The following VTI1A variants were observed in gnomAD, a reference collection of about 807,000 sequenced individuals.
The protein encoded by VTI1A is vesicle transport through interaction with t-SNAREs homolog 1A.
In VTI1A, 22 loss-of-function variants were observed where a neutral mutation model predicts 34.9. That is an observed-to-expected ratio of 0.63 (90% CI 0.45 to 0.90). The LOEUF (loss-of-function observed/expected upper bound fraction) is 0.90. Among genes scored for constraint, VTI1A ranks in the 40% least tolerant of loss-of-function variants. The probability of loss-of-function intolerance (pLI) is 0.00; values close to 1 mark genes in which losing one functional copy is unlikely to be tolerated. For synonymous variants in VTI1A, 87 were observed against 97.3 expected (o/e 0.89, Z 0.62); for missense variants, 268 against 275.6 (o/e 0.97, Z 0.20).
At chr10:112,754,162 C>A (rs887130563) in intron 7 of VTI1A, among the ~76,000 whole-genome samples, 1 of 152,160 alleles carries the variant, frequency 6.6e-6, no homozygotes, top group African/African-American at 2.4e-5. Context: ...AGAAGGTACA[C>A]CCACGGAGAA....
chr10:112,456,198 A>G (rs1847518246), intron 1 of VTI1A, among the ~76,000 whole-genome samples: 1 of 152,178 alleles, frequency 6.6e-6, no homozygotes, highest in South Asian at 2.1e-4. Flanking sequence ...AGGCAGGTGG[A>G]TCACTTGAGG....
intron 3 of VTI1A, among the ~76,000 whole-genome samples, chr10:112,513,086 A>G (rs148020893): frequency 7.1e-4 from 108 of 152,136 alleles, no homozygotes; most frequent in African/African-American, 2.5e-3. Flanking sequence ...GATTGATGGT[A>G]TTTTGATAGA....
intron 7 of VTI1A, among the ~76,000 whole-genome samples, chr10:112,759,178 G>C (rs1851376444): frequency 6.6e-6 from 1 of 152,180 alleles, no homozygotes; most frequent in Non-Finnish European, 1.5e-5. Flanking sequence ...AGAAAAAGAA[G>C]CCCGAGGCAA....
chr10:112,498,948 T>C (rs1287868480), intron 3 of VTI1A, among the ~76,000 whole-genome samples: 2 of 152,194 alleles, frequency 1.3e-5, no homozygotes, highest in Admixed American at 1.3e-4. Context: ...AGTAGAGTTT[T>C]ATCTAAACAG....
intron 7 of VTI1A, among the ~76,000 whole-genome samples, chr10:112,775,501 TGTTTC>T (rs1851934126): frequency 6.6e-6 from 1 of 152,250 alleles, no homozygotes; most frequent in Admixed American, 6.5e-5. Context: ...GACCTTTTAG[TGTTTC>T]TATCACCTAA....
At chr10:112,547,835 T>G in intron 5 of VTI1A, among the ~76,000 whole-genome samples, 1 of 152,150 alleles carries the variant, frequency 6.6e-6, no homozygotes, top group East Asian at 1.9e-4. Context: ...TACACCACTT[T>G]GTTTGTTTTT....
chr10:112,829,148 A>G, the VTI1A span, among the ~76,000 whole-genome samples: 6 of 152,132 alleles, frequency 3.9e-5, no homozygotes, highest in African/African-American at 1.4e-4. Context: ...TTGATTTTTA[A>G]AAATCTATTG....
chr10:112,763,178 G>T lies in VTI1A; in HGVS notation c.561-52112G>T, dbSNP rs547484760. On this transcript the variant is annotated intron_variant, in intron 7 of 7. Transcript: ENST00000393077. ...AGTGGCTCACACCTGTAATCCCAAA[G>T]GCCTGTAATCCCAGCACTTTGGGAG... Among the ~76,000 whole-genome samples, 10 of 152,010 alleles carry T rather than the reference G, an allele frequency of 6.6e-5. No individual in the cohort carries two copies. In the South Asian group the frequency reaches 1.9e-3, roughly 28 times the overall value.
intron 7 of VTI1A, among the ~76,000 whole-genome samples, chr10:112,681,237 C>T (rs1223873324): frequency 3.9e-5 from 6 of 152,108 alleles, no homozygotes; most frequent in South Asian, 4.2e-4. Context: ...CCACCTCACA[C>T]ACCCAGCTAA....
rs369847697 is a variant in VTI1A, at chr10:112,700,058, C to T, written c.560+31060C>T. Among the ~76,000 whole-genome samples, 24 of 139,154 alleles carry T rather than the reference C, an allele frequency of 1.7e-4. No homozygotes were observed. The East Asian group carries it at 4.7e-3, about 27-fold the overall frequency. The allele number at this position is 139,154 out of a possible 152,430, so 91.3% of individuals were successfully genotyped here. A position where few individuals can be genotyped will look rare whatever the true frequency, so the allele number is the denominator to read the frequency against. ...GCTTGAACCCAGGAGGCAGAGGTTG[C>T]AGTGAGCCAAGATCGTGCTACTGCA... On this transcript the variant is annotated intron_variant, in intron 7 of 7. Transcript: ENST00000393077.
At chr10:112,493,867 T>C (rs1480865443) in intron 3 of VTI1A, among the ~76,000 whole-genome samples, 1 of 152,222 alleles carries the variant, frequency 6.6e-6, no homozygotes, top group Non-Finnish European at 1.5e-5. Flanking sequence ...GGTTTACTTA[T>C]ATTGTGTTAA....
intron 5 of VTI1A, among the ~76,000 whole-genome samples, chr10:112,585,837 C>A (rs1844132600): frequency 6.6e-6 from 1 of 151,974 alleles, no homozygotes; most frequent in African/African-American, 2.4e-5. Context: ...CAGACAGAAG[C>A]TGAATCAGAA....
chr10:112,736,251 T>G (rs1269547739), intron 7 of VTI1A, among the ~76,000 whole-genome samples: 1 of 151,692 alleles, frequency 6.6e-6, no homozygotes, highest in Non-Finnish European at 1.5e-5. Context: ...AGACTCTCTG[T>G]CCACCTTACC....
chr10:112,722,987 C>G (rs1276669422), intron 7 of VTI1A, among the ~76,000 whole-genome samples: 1 of 152,204 alleles, frequency 6.6e-6, no homozygotes, highest in African/African-American at 2.4e-5. Context: ...CACTGCTGCT[C>G]TTGAGCCAGA....
chr10:112,634,490 C>T (rs1043013330), intron 5 of VTI1A, among the ~76,000 whole-genome samples: 1 of 129,488 alleles, frequency 7.7e-6, no homozygotes, highest in Non-Finnish European at 1.6e-5. Context: ...TGGTTATACA[C>T]ACACACACAG....
chr10:112,450,130 A>C (rs1847180396), intron 1 of VTI1A: 1 of 151,974 alleles, frequency 6.6e-6, no homozygotes, highest in Admixed American at 6.6e-5. Flanking sequence ...GGGCTCACGC[A>C]ATCCACCCAC....
chr10:112,719,883 T>C (rs1849741018), intron 7 of VTI1A, among the ~76,000 whole-genome samples: 1 of 152,164 alleles, frequency 6.6e-6, no homozygotes, highest in South Asian at 2.1e-4. Context: ...AAAAGAAATC[T>C]GGTATCCATT....
chr10:112,555,647 G>C (rs1384339530), intron 5 of VTI1A, among the ~76,000 whole-genome samples: 1 of 151,964 alleles, frequency 6.6e-6, no homozygotes, highest in South Asian at 2.1e-4. Context: ...TAACTTTTTA[G>C]ATCAATAAAG....
the VTI1A span, among the ~76,000 whole-genome samples, chr10:112,836,439 G>A: frequency 5.3e-5 from 8 of 152,176 alleles, no homozygotes; most frequent in African/African-American, 1.9e-4. Flanking sequence ...GAATAGAACA[G>A]CAGTTTCCTG....
Sources: allele counts gnomAD v4.1 joint callset (sites outside exome capture counted in the v4.1 genomes callset), GRCh38; gene constraint gnomAD v4.1.1; transcripts MANE v1.5; gene names NCBI Gene and HGNC (gene_info 2026-07-23, HGNC 2026-07-21).